ADAMTS18: variants seen among roughly 807,000 people sequenced by gnomAD.
The protein encoded by ADAMTS18 is A disintegrin and metalloproteinase with thrombospondin motifs 18.
ADAMTS18 carries 157 observed loss-of-function variants against 165.9 expected under a neutral mutation model. The observed-to-expected ratio is 0.95, with a 90% CI of 0.83 to 1.08. ADAMTS18 has a LOEUF of 1.08. Ranked by LOEUF, ADAMTS18 falls within the 50% of genes least tolerant of loss-of-function variation. The pLI is 0.00. For synonymous variants in ADAMTS18, 782 were observed against 578.2 expected, an observed-to-expected ratio of 1.35 and a Z score of -5.06; for missense variants, 2,040 against 1,534.0, an observed-to-expected ratio of 1.33 and a Z score of -5.51.
At chr16:77,333,711 G>A (rs116734773) in intron 12 of ADAMTS18, among the ~76,000 whole-genome samples, 3 of 150,932 alleles carry the variant, frequency 2.0e-5, no homozygotes, top group Non-Finnish European at 2.9e-5. Context: ...CTCAGTGGAT[G>A]AATAAGTAAA....
intron 20 of ADAMTS18, among the ~76,000 whole-genome samples, chr16:77,292,342 T>A (rs957101510): frequency 6.6e-6 from 1 of 152,164 alleles, no homozygotes; most frequent in Admixed American, 6.5e-5. Flanking sequence ...ATTTCTAGTG[T>A]GTCACCCAAG....
chr16:77,414,928 G>A (rs1263991817), intron 3 of ADAMTS18, among the ~76,000 whole-genome samples: 1 of 152,158 alleles, frequency 6.6e-6, no homozygotes, highest in Non-Finnish European at 1.5e-5. Flanking sequence ...CCCTCCAACT[G>A]CTCAGACAGG....
chr16:77,434,278 C>A, intron 2 of ADAMTS18, 140 bp downstream of exon 2: 1 of 1,018,822 alleles, frequency 9.8e-7, no homozygotes, highest in Non-Finnish European at 1.4e-6. Flanking sequence ...CTTCCCCCCT[C>A]TCCAAACAGG....
intron 3 of ADAMTS18, among the ~76,000 whole-genome samples, chr16:77,379,709 T>C (rs922832428): frequency 6.6e-6 from 1 of 152,144 alleles, no homozygotes; most frequent in Non-Finnish European, 1.5e-5. Flanking sequence ...CAGGGTGATC[T>C]CAAATTCCTG....
At chr16:77,298,604 C>A (rs1265900323) in intron 17 of ADAMTS18, among the ~76,000 whole-genome samples, 1 of 151,794 alleles carries the variant, frequency 6.6e-6, no homozygotes, top group African/African-American at 2.4e-5. Flanking sequence ...CCAGCCTGGG[C>A]AACATGGCAA....
Position 77,353,723 on chromosome 16 carries a change from G to A in ADAMTS18, c.1614+10C>T. 1 of 1,614,118 alleles carries A rather than the reference G, an allele frequency of 6.2e-7. No homozygotes were observed. ...TCTTAATGTAAGTTTGAAATCACAA[G>A]CAAACATACCTTCACAAAACCAAGG... On this transcript the variant is annotated intron_variant, in intron 10 of 22. Coordinates refer to ENST00000282849, the MANE Select transcript of ADAMTS18 (RefSeq NM_199355.4).
intron 10 of ADAMTS18, among the ~76,000 whole-genome samples, chr16:77,343,275 C>T (rs552740958): frequency 6.6e-6 from 1 of 152,068 alleles, no homozygotes; most frequent in African/African-American, 2.4e-5. Flanking sequence ...GGTTTCACCA[C>T]GTTGGCCAGG....
chr16:77,366,738 G>A (rs2056800583), intron 4 of ADAMTS18, among the ~76,000 whole-genome samples: 1 of 152,138 alleles, frequency 6.6e-6, no homozygotes, highest in African/African-American at 2.4e-5. Context: ...ACTGGTTTAA[G>A]TGCTGTAAGT....
At chr16:77,356,151 A>C (rs2056627370) in intron 8 of ADAMTS18, 74 bp from the exon 9 acceptor site, 1 of 1,595,428 alleles carries the variant, frequency 6.3e-7, no homozygotes, top group Non-Finnish European at 8.6e-7. Context: ...AGGAAGAATA[A>C]AGATGTATTG....
intron 3 of ADAMTS18, among the ~76,000 whole-genome samples, chr16:77,395,703 T>A (rs2057247921): frequency 2.0e-5 from 3 of 152,090 alleles, no homozygotes; most frequent in Non-Finnish European, 4.4e-5. Context: ...TTTTAAAAAG[T>A]CAATCATTTT....
At chr16:77,333,484 A>AG (rs2056224273) in intron 12 of ADAMTS18, among the ~76,000 whole-genome samples, 1 of 138,094 alleles carries the variant, frequency 7.2e-6, no homozygotes, top group African/African-American at 2.7e-5. Flanking sequence ...TAATGAAAAA[A>AG]GAAATACCAA....
At chr16:77,320,674 C>G (rs1433042083) in intron 15 of ADAMTS18, among the ~76,000 whole-genome samples, 1 of 151,908 alleles carries the variant, frequency 6.6e-6, no homozygotes, top group Non-Finnish European at 1.5e-5. Flanking sequence ...AGCTTAGAAC[C>G]ATGTATCTTC....
At chr16:77,414,497 T>A (rs970510706) in intron 3 of ADAMTS18, among the ~76,000 whole-genome samples, 1 of 152,234 alleles carries the variant, frequency 6.6e-6, no homozygotes, top group Non-Finnish European at 1.5e-5. Flanking sequence ...AATACCAACA[T>A]AAATTTTCCC....
intron 3 of ADAMTS18, among the ~76,000 whole-genome samples, chr16:77,383,895 G>C (rs953540374): frequency 3.3e-5 from 5 of 152,070 alleles, no homozygotes; most frequent in Non-Finnish European, 5.9e-5. Flanking sequence ...ATGCTTCAAA[G>C]GTCACCTGTT....
chr16:77,355,802 CATT>C lies in ADAMTS18; in HGVS notation c.1460+135_1460+137del, dbSNP rs1319557129. On this transcript the variant is annotated intron_variant, in intron 9 of 22. Coordinates refer to ENST00000282849, the MANE Select transcript of ADAMTS18 (RefSeq NM_199355.4). ...TCAACAATGTCATCATCACCATCAT[CATT>C]ATCATCATCATTTGTCTTTCTGTTT... 5.4e-5 allele frequency: 57 copies of C among 1,050,460 alleles called. No homozygotes were observed. In the Middle Eastern group the frequency reaches 1.2e-3, roughly 22 times the overall value. 65.1% of individuals were successfully genotyped at this position (1,050,460 alleles called of 1,614,324 possible). A position where few individuals can be genotyped will look rare whatever the true frequency, so the allele number is the denominator to read the frequency against.
chr16:77,409,016 T>A (rs1247521493), intron 3 of ADAMTS18, among the ~76,000 whole-genome samples: 1 of 151,530 alleles, frequency 6.6e-6, no homozygotes, highest in African/African-American at 2.4e-5. Context: ...GCCTAATTTA[T>A]GTTAAACTTT....
At chr16:77,400,989 C>T (rs192074788) in intron 3 of ADAMTS18, among the ~76,000 whole-genome samples, 148 of 152,204 alleles carry the variant, frequency 9.7e-4, no homozygotes, top group African/African-American at 3.5e-3. Context: ...GGCATGGTGG[C>T]TCAGGCCTGT....
In ADAMTS18 at chr16:77,341,780, CAA is replaced by C; in HGVS notation, c.1632_1633del (p.Trp545ValfsTer9). ...ACACCTGTGGCCTACTCGGTGGCAC[CAA>C]AGTGATTTGCAAATATCCTGAAATA... On this transcript the variant is annotated frameshift_variant, in exon 11 of 23. Transcript: ENST00000282849. LOFTEE classifies it high-confidence loss of function. The C allele has an allele frequency of 6.2e-7, 1 of 1,612,300 alleles. No homozygotes were observed. The highest frequency in any genetic ancestry group is 2.2e-5 in the East Asian group (1 of 44,808).
At chr16:77,404,659 C>G (rs886381637) in intron 3 of ADAMTS18, among the ~76,000 whole-genome samples, 12 of 152,100 alleles carry the variant, frequency 7.9e-5, no homozygotes, top group African/African-American at 2.4e-4. Flanking sequence ...TATAACTTCC[C>G]TAAACCCAAA....
Sources: gnomAD v4.1 joint callset for allele counts (sites outside exome capture counted in the v4.1 genomes callset) on GRCh38, gnomAD v4.1.1 for gene constraint, MANE v1.5 for transcripts, NCBI Gene and HGNC (gene_info 2026-07-23, HGNC 2026-07-21) for gene names.